PHF21A: variants seen among roughly 807,000 people sequenced by gnomAD.
PHF21A encodes the protein BHC80a.
Under a neutral mutation model 82.5 loss-of-function variants are expected in PHF21A, and 11 were observed. The ratio of observed to expected loss-of-function variants is 0.13; its 90% CI spans 0.08 to 0.22. PHF21A has a LOEUF of 0.22. Among genes scored for constraint, PHF21A ranks in the 10% least tolerant of loss-of-function variants. PHF21A has a pLI of 1.00. For missense variants in PHF21A, 579 were observed against 837.8 expected (o/e 0.69, Z 3.81); for synonymous variants, 297 against 302.8 (o/e 0.98, Z 0.20).
intron 4 of PHF21A, among the ~76,000 whole-genome samples, chr11:46,081,860 G>C (rs1163641490): frequency 1.3e-5 from 2 of 152,320 alleles, no homozygotes; most frequent in African/African-American, 4.8e-5. Context: ...TGCAACAGCA[G>C]AGCAGAGTAG....
chr11:46,096,746 T>C (rs1255601384), intron 1 of PHF21A, among the ~76,000 whole-genome samples: 3 of 137,410 alleles, frequency 2.2e-5, no homozygotes, highest in South Asian at 2.3e-4. Flanking sequence ...CTCATGGCTA[T>C]AGAAGGATCT....
chr11:46,094,389 G>A (rs1363786009), intron 1 of PHF21A, among the ~76,000 whole-genome samples: 1 of 152,136 alleles, frequency 6.6e-6, no homozygotes, highest in African/African-American at 2.4e-5. Flanking sequence ...TTCCCCAAAG[G>A]TCACTCAGCT....
chr11:45,987,256 A>ATGTATGTATGTC (rs2094524561), intron 6 of PHF21A, among the ~76,000 whole-genome samples: 1 of 150,828 alleles, frequency 6.6e-6, no homozygotes, highest in Non-Finnish European at 1.5e-5. Context: ...AAATAAATGT[A>ATGTATGTATGTC]TGTATGTATG....
chr11:46,021,217 G>A (rs1156803813), intron 6 of PHF21A, among the ~76,000 whole-genome samples: 1 of 152,036 alleles, frequency 6.6e-6, no homozygotes, highest in Non-Finnish European at 1.5e-5. Context: ...AAGCCGCTAT[G>A]CCTGGCTAAT....
chr11:46,113,374 G>C (rs1376837447), intron 1 of PHF21A, among the ~76,000 whole-genome samples: 1 of 152,072 alleles, frequency 6.6e-6, no homozygotes, highest in Non-Finnish European at 1.5e-5. Context: ...TCAATATTTA[G>C]ACCAACATTT....
chr11:46,077,003 G>C (rs1048251161), intron 5 of PHF21A, among the ~76,000 whole-genome samples, 184 bp from the exon 6 acceptor site: 1 of 152,264 alleles, frequency 6.6e-6, no homozygotes, highest in African/African-American at 2.4e-5. Flanking sequence ...CTAAATACAG[G>C]CTCCTTGCAC....
At chr11:46,091,587 T>C (rs1326774335) in intron 2 of PHF21A, among the ~76,000 whole-genome samples, 1 of 152,214 alleles carries the variant, frequency 6.6e-6, no homozygotes, top group Non-Finnish European at 1.5e-5. Context: ...ATTTTAAGAA[T>C]GTAAATAAAC....
chr11:45,965,623 G>C lies in PHF21A; in HGVS notation c.703-15C>G, dbSNP rs766288066. Reference sequence around the variant, plus strand: ...TTGGGTCGAACCTATAGGGGAAAGAGAGAATAATTATTGTATTACTTAAGC... The same window carrying C: ...TTGGGTCGAACCTATAGGGGAAAGACAGAATAATTATTGTATTACTTAAGC... On this transcript the variant is annotated splice_polypyrimidine_tract_variant and intron_variant, in intron 9 of 18. Transcript: ENST00000676320. 6.6e-7 allele frequency: 1 copy of C among 1,515,738 alleles called. No homozygotes were observed. The highest frequency in any genetic ancestry group is 1.3e-5 in the South Asian group (1 of 75,068). 93.9% of individuals were successfully genotyped at this position (1,515,738 alleles called of 1,614,324 possible).
At chr11:46,011,998 G>A (rs1345362882) in intron 6 of PHF21A, among the ~76,000 whole-genome samples, 4 of 152,090 alleles carry the variant, frequency 2.6e-5, no homozygotes, top group Non-Finnish European at 4.4e-5. Flanking sequence ...TTTACTTCCT[G>A]TCCATCCTGG....
At chr11:46,100,472 C>T (rs4756055) in intron 1 of PHF21A, among the ~76,000 whole-genome samples, 71,047 of 151,858 alleles carry the variant, frequency 0.47, 19,163 homozygotes, top group Non-Finnish European at 0.6. Flanking sequence ...AAAGGTTTTG[C>T]TGCTATAGGC....
rs576095963 is a variant in PHF21A, at chr11:46,034,674, C to T, written c.153+42080G>A. 5.9e-5 allele frequency among the ~76,000 whole-genome samples: 9 copies of T among 152,240 alleles called. No individual in the cohort carries two copies. In the East Asian group the frequency reaches 7.7e-4, roughly 13 times the overall value. The stretch of plus-strand genomic sequence containing the variant: ...AGTGGCTATCTATGGCTGTGCTACT[C>T]GCCTCCTTTCCTGGGGAGGCTTTCT... On this transcript the variant is annotated intron_variant, in intron 6 of 18. Transcript: ENST00000676320.
At chr11:46,050,638 C>T (rs892133911) in intron 6 of PHF21A, among the ~76,000 whole-genome samples, 4 of 152,130 alleles carry the variant, frequency 2.6e-5, no homozygotes, top group Admixed American at 1.3e-4. Context: ...AACTATTAAG[C>T]ACAATGTTCA....
chr11:45,979,999 A>G, intron 6 of PHF21A, 33 bp from the exon 7 acceptor site: 1 of 1,613,364 alleles, frequency 6.2e-7, no homozygotes, highest in Non-Finnish European at 8.5e-7. Context: ...AATAAAAGAT[A>G]TTAGAATACT....
At chr11:46,062,506 T>C (rs2096547623) in intron 6 of PHF21A, among the ~76,000 whole-genome samples, 2 of 152,200 alleles carry the variant, frequency 1.3e-5, no homozygotes, top group African/African-American at 4.8e-5. Flanking sequence ...ATTTCTAGCA[T>C]CCTCTCCTTG....
At chr11:45,958,437 T>A in intron 10 of PHF21A, among the ~76,000 whole-genome samples, 1 of 30,508 alleles carries the variant, frequency 3.3e-5, no homozygotes. Context: ...TATATATATA[T>A]ATATATATAT....
chr11:46,069,358 A>G (rs1276969508), intron 6 of PHF21A, among the ~76,000 whole-genome samples: 3 of 152,252 alleles, frequency 2.0e-5, no homozygotes, highest in African/African-American at 4.8e-5. Context: ...AAATCTTAGG[A>G]AATTCCTAGG....
intron 6 of PHF21A, among the ~76,000 whole-genome samples, chr11:45,996,413 G>T (rs1203815289): frequency 3.9e-5 from 6 of 152,106 alleles, no homozygotes; most frequent in Admixed American, 3.9e-4. Flanking sequence ...GTATTGCTCA[G>T]TAACTCACTT....
chr11:46,050,504 G>A (rs1828688853), intron 6 of PHF21A, among the ~76,000 whole-genome samples: 1 of 152,182 alleles, frequency 6.6e-6, no homozygotes, highest in Non-Finnish European at 1.5e-5. Context: ...ATAAAAGAGG[G>A]CTGAACTGGA....
intron 6 of PHF21A, among the ~76,000 whole-genome samples, chr11:46,007,307 TTTC>T (rs1467753894): frequency 7.2e-5 from 11 of 152,064 alleles, no homozygotes; most frequent in South Asian, 2.1e-4. Context: ...ATCTACCTTT[TTTC>T]TTCTTCTTCT....
Sources: gnomAD v4.1 joint callset for allele counts (sites outside exome capture counted in the v4.1 genomes callset) on GRCh38, gnomAD v4.1.1 for gene constraint, MANE v1.5 for transcripts, NCBI Gene and HGNC (gene_info 2026-07-23, HGNC 2026-07-21) for gene names.